Variants in CCDC47 observed in about 807,000 individuals in gnomAD.
CCDC47 encodes the protein PAT complex subunit CCDC47.
In CCDC47, 41 loss-of-function variants were observed where a neutral mutation model predicts 60.5. The ratio of observed to expected loss-of-function variants is 0.68; its 90% CI spans 0.53 to 0.88. The LOEUF (loss-of-function observed/expected upper bound fraction) is 0.88. CCDC47 is among the 40% of genes least tolerant of loss of function. CCDC47 has a pLI of 0.00. For synonymous variants in CCDC47, 195 were observed against 190.7 expected (o/e 1.02, Z -0.18); for missense variants, 513 against 580.9 (o/e 0.88, Z 1.20).
intron 1 of CCDC47, among the ~76,000 whole-genome samples, chr17:63,768,475 C>T (rs1598312284): frequency 6.6e-6 from 1 of 151,644 alleles, no homozygotes; most frequent in African/African-American, 2.4e-5. Flanking sequence ...ACTGCTCGAG[C>T]CCAAGAGTTG....
At chr17:63,754,840 G>A (rs1001591247) in intron 8 of CCDC47, among the ~76,000 whole-genome samples, 1 of 146,434 alleles carries the variant, frequency 6.8e-6, no homozygotes, top group Middle Eastern at 3.8e-3. Context: ...CAGAGACCAC[G>A]CCACTGTACT....
rs532280936 is a variant in CCDC47 at position 63,758,006 on chromosome 17, A to G, written c.736-1436T>C. Among the ~76,000 whole-genome samples the G allele has an allele frequency of 2.0e-5, 3 of 152,208 alleles. No homozygotes were observed. The South Asian group carries it at 6.2e-4, about 32-fold the overall frequency. On this transcript the variant is annotated intron_variant, in intron 6 of 12. Transcript: ENST00000225726. ...AGTTCTACAAAAACTCTTGAACAAGATTTAGAGAGCTTCCAAGCTGGTGAA... is the reference window on the plus strand; with the variant it reads ...AGTTCTACAAAAACTCTTGAACAAGGTTTAGAGAGCTTCCAAGCTGGTGAA...
chr17:63,750,238 C>T (rs1157802581), intron 12 of CCDC47, among the ~76,000 whole-genome samples: 2 of 152,100 alleles, frequency 1.3e-5, no homozygotes. Context: ...AAATGAAAGG[C>T]ATTACCTATT....
intron 12 of CCDC47, chr17:63,747,742 A>G (rs2039131340): frequency 1.0e-6 from 1 of 985,176 alleles, no homozygotes; most frequent in African/African-American, 1.7e-5. Flanking sequence ...TGGAGAAAAT[A>G]GGGAAGAAAA....
At chr17:63,762,267 G>T (rs1295758319) in intron 4 of CCDC47, 2 of 984,870 alleles carry the variant, frequency 2.0e-6, no homozygotes, top group African/African-American at 3.5e-5. Context: ...GCAAGGGGAA[G>T]TAGAAGGAGC....
chr17:63,765,754 G>T, intron 2 of CCDC47, 158 bp downstream of exon 2: 1 of 1,401,842 alleles, frequency 7.1e-7, no homozygotes, highest in Non-Finnish European at 9.4e-7. Flanking sequence ...AATGTAAAAG[G>T]TGGAAACTTA....
intron 8 of CCDC47, among the ~76,000 whole-genome samples, chr17:63,754,899 A>T (rs1305795268): frequency 6.6e-6 from 1 of 151,836 alleles, no homozygotes; most frequent in Non-Finnish European, 1.5e-5. Flanking sequence ...AAGAAAAAAA[A>T]AAAAAAAGAA....
intron 2 of CCDC47, chr17:63,765,102 A>ACT: frequency 8.4e-6 from 2 of 239,478 alleles, no homozygotes; most frequent in Non-Finnish European, 1.3e-5. Context: ...CTAAGAGAAT[A>ACT]TATTGTAAGT....
At chr17:63,757,491 A>G (rs902439530) in intron 6 of CCDC47, among the ~76,000 whole-genome samples, 3 of 152,180 alleles carry the variant, frequency 2.0e-5, no homozygotes, top group African/African-American at 7.2e-5. Context: ...TCTAACCTGA[A>G]TGACATCTTG....
chr17:63,754,318 G>A, intron 9 of CCDC47, 115 bp downstream of exon 9: 1 of 686,700 alleles, frequency 1.5e-6, no homozygotes, highest in Non-Finnish European at 2.6e-6. Flanking sequence ...GTGGAGGCCT[G>A]TCACCAACTT....
In CCDC47 at chr17:63,764,090, T is replaced by C; in HGVS notation, c.473A>G (p.Asn158Ser). The C allele has an allele frequency of 6.2e-7, 1 of 1,613,462 alleles. No homozygotes were observed. The highest frequency in any genetic ancestry group is 8.5e-7 in the Non-Finnish European group (1 of 1,179,894). The change falls in exon 4 of 13, where the codon AAT (asparagine) becomes AGT (serine). Residue 158 changes from asparagine to serine, a missense_variant. Coordinates refer to ENST00000225726, the MANE Select transcript of CCDC47 (RefSeq NM_020198.3). ...AYIMNYIIGKNKNSRLAQAWF... is the reference protein window; with the variant it reads ...AYIMNYIIGKSKNSRLAQAWF... ...GGCCTGTGCAAGGCGACTGTTTTTA[T>C]TCTTCCCAATGATGTAATTCATGAT...
intron 4 of CCDC47, among the ~76,000 whole-genome samples, 186 bp downstream of exon 4, chr17:63,763,830 G>A (rs2039278223): frequency 1.3e-5 from 2 of 149,836 alleles, no homozygotes; most frequent in Admixed American, 1.3e-4. Context: ...CTCAAAAATA[G>A]TAATAATAAT....
In CCDC47 at chr17:63,751,985, C is replaced by T. The variant is rs778069818; in HGVS notation, c.1326G>A (p.Glu442=). Residue 442 remains glutamate, a synonymous_variant, in exon 12 of 13, where the codon GAG becomes GAA. Coordinates refer to ENST00000225726, the MANE Select transcript of CCDC47 (RefSeq NM_020198.3). ...RREEKKRAEK[E]RIMNEEDPEK... is the part of the protein sequence containing the mutation. ...CAGGATCTTCCTCATTCATGATTCGCTCCTTCTCTGCTCTTTTTTTCTCCT... is the reference window on the plus strand; with the variant it reads ...CAGGATCTTCCTCATTCATGATTCGTTCCTTCTCTGCTCTTTTTTTCTCCT... 2.2e-5 allele frequency: 35 copies of T among 1,613,604 alleles called. No homozygotes were observed. Among genetic ancestry groups the T allele is most frequent in the Middle Eastern group, 1.6e-4 (1 of 6,084 alleles).
intron 12 of CCDC47, chr17:63,747,230 C>T: frequency 1.0e-6 from 1 of 983,972 alleles, no homozygotes; most frequent in Non-Finnish European, 1.2e-6. Flanking sequence ...AATTAACCAG[C>T]CTTTGTTATT....
chr17:63,752,998 A>G, intron 9 of CCDC47, 199 bp from the exon 10 acceptor site: 1 of 835,232 alleles, frequency 1.2e-6, no homozygotes. Flanking sequence ...TGCATTCTCA[A>G]GTGATCTTTA....
chr17:63,750,478 C>A (rs1008709106), intron 12 of CCDC47, among the ~76,000 whole-genome samples: 1 of 152,168 alleles, frequency 6.6e-6, no homozygotes, highest in African/African-American at 2.4e-5. Context: ...CAGGCCCGCA[C>A]AGCAGCTCAC....
intron 6 of CCDC47, among the ~76,000 whole-genome samples, chr17:63,758,956 G>C (rs1239699434): frequency 6.6e-6 from 1 of 152,106 alleles, no homozygotes; most frequent in Non-Finnish European, 1.5e-5. Flanking sequence ...CAGGAGGAGA[G>C]AGAGAGAGAG....
At chr17:63,770,696 C>T (rs1237747654) in intron 1 of CCDC47, among the ~76,000 whole-genome samples, 2 of 151,986 alleles carry the variant, frequency 1.3e-5, no homozygotes, top group East Asian at 1.9e-4. Context: ...AAATTAAATG[C>T]TCTTAAAGGC....
intron 12 of CCDC47, chr17:63,747,230 C>A (rs942366818): frequency 5.7e-5 from 56 of 983,854 alleles, no homozygotes; most frequent in Middle Eastern, 5.2e-4. Flanking sequence ...AATTAACCAG[C>A]CTTTGTTATT....
Sources: gnomAD v4.1 joint callset for allele counts (sites outside exome capture counted in the v4.1 genomes callset) on GRCh38, gnomAD v4.1.1 for gene constraint, MANE v1.5 for transcripts, NCBI Gene and HGNC (gene_info 2026-07-23, HGNC 2026-07-21) for gene names.